Variants in RNF215 observed in about 807,000 individuals in gnomAD.
RNF215 encodes the protein ring finger protein 215.
In RNF215, 41 loss-of-function variants were observed where a neutral mutation model predicts 44.8. That is an observed-to-expected ratio of 0.92 (90% CI 0.71 to 1.19). The LOEUF (loss-of-function observed/expected upper bound fraction) is 1.19. Among genes scored for constraint, RNF215 ranks in the 50% most tolerant of loss-of-function variants. The pLI is 0.00. For synonymous variants in RNF215, 218 were observed against 230.1 expected, an observed-to-expected ratio of 0.95 and a Z score of 0.48; for missense variants, 452 against 496.2, an observed-to-expected ratio of 0.91 and a Z score of 0.85.
In RNF215 at chr22:30,386,688, C is replaced by A; in HGVS notation, c.357G>T (p.Glu119Asp). Residue 119 changes from glutamate (E) to aspartate (D), a missense_variant, in exon 2 of 9, where the codon GAG (glutamate) becomes GAT (aspartate). Glu to Asp is a conservative substitution (Grantham distance 45). Transcript: ENST00000382363. The part of the protein sequence containing the change: ...GWIAVAYVGK[E>D]QAAQFHQENK... ...TCTCCTGGTGGAACTGGGCCGCCTG[C>A]TCCTTGCCCACGTATGCCACTGCAA... is the stretch of plus-strand genomic sequence containing the variant. 6.2e-7 allele frequency: 1 copy of A among 1,612,660 alleles called. No homozygotes were observed. Among genetic ancestry groups the A allele is most frequent in the South Asian group, 1.1e-5 (1 of 91,092 alleles).
Position 30,379,574 on chromosome 22 carries a change from C to A in RNF215, c.*26G>T, listed in dbSNP as rs1371451465. On this transcript the variant is annotated 3_prime_UTR_variant, in exon 9 of 9. Transcript: ENST00000382363. ...GGGGTGCAGGCAGGAAGGGTCCATC[C>A]CCATGTGCAGAGTCCAGCTGGGCAG... 1 of 1,549,302 alleles carries A rather than the reference C, an allele frequency of 6.5e-7. No homozygotes were observed. The highest frequency in any genetic ancestry group is 8.7e-7 in the Non-Finnish European group (1 of 1,146,968).
Position 30,387,360 on chromosome 22 carries a change from G to T in RNF215, c.-47C>A. ...CCAACAGTGGGGCCAGGGGTCCCGG[G>T]CGCGGGGGGGATCGGAGGGAGCGAG... On this transcript the variant is annotated 5_prime_UTR_variant, in exon 1 of 9. Transcript: ENST00000382363. 1 of 1,037,318 alleles carries T rather than the reference G, an allele frequency of 9.6e-7. No homozygotes were observed. The allele number at this position is 1,037,318 out of a possible 1,614,324, so 64.3% of individuals were successfully genotyped here.
In RNF215 at chr22:30,380,189, C is replaced by T. The variant is rs913344524; in HGVS notation, c.881G>A (p.Arg294His). The change falls in exon 7 of 9, where the codon CGC becomes CAC. Residue 294 changes from arginine to histidine, a missense_variant. By Grantham distance (29) the Arg-to-His change is conservative (BLOSUM62 0). Coordinates refer to ENST00000382363, the MANE Select transcript of RNF215 (RefSeq NM_001017981.2). The surrounding 1 kb of genome is among the most constrained non-coding windows in gnomAD (Gnocchi z 5.3). The stretch of plus-strand genomic sequence containing the variant: ...GGATGCCAGTCTCCGCACCACGCGG[C>T]GCTTAAACAGGTCCACCTGTGGGGA... ...ELGGQVDLFK[R>H]RVVRRLASLK... is the part of the protein sequence containing the mutation. 1.6e-5 allele frequency: 26 copies of T among 1,613,822 alleles called. No homozygotes were observed. The African/African-American group carries it at 1.9e-4, about 12-fold the overall frequency.
In RNF215 at chr22:30,380,777, A is replaced by G. The variant is rs1380109190; in HGVS notation, c.745-376T>C. On this transcript the variant is annotated intron_variant, in intron 5 of 8. Coordinates refer to ENST00000382363, the MANE Select transcript of RNF215 (RefSeq NM_001017981.2). The surrounding 1 kb of genome is among the most constrained non-coding windows in gnomAD (Gnocchi z 5.3). ...GGGACCTGCTCACTCTCCCACCCCC[A>G]TCCTCCTGCACTTCCTCCTGGTCGG... 4.6e-5 allele frequency among the ~76,000 whole-genome samples: 7 copies of G among 151,602 alleles called. No individual in the cohort carries two copies. The highest frequency in any genetic ancestry group is 3.9e-4 in the Admixed American group (6 of 15,222).
chr22:30,381,924 G>C (rs2145983493), intron 5 of RNF215, among the ~76,000 whole-genome samples: 1 of 152,284 alleles, frequency 6.6e-6, no homozygotes, highest in South Asian at 2.1e-4. Context: ...TGCCCTAGAG[G>C]GTGCCGGGGC....
chr22:30,387,030 A>T lies in RNF215; in HGVS notation c.284T>A (p.Leu95Gln). The T allele has an allele frequency of 1.3e-6, 2 of 1,543,830 alleles. No individual in the cohort carries two copies. Among genetic ancestry groups the T allele is most frequent in the South Asian group, 1.2e-5 (1 of 84,456 alleles). ...GCCAGATGGCTCAGCAGCGCTCACC[A>T]GCAGCAGACGACCGCCCAGCAGGGG... ...PAPLLGGRLL[L>Q]MDIVDAEQEA... Residue 95 changes from leucine (L) to glutamine (Q), a missense_variant and splice_region_variant, in exon 1 of 9, where the codon CTG becomes CAG. Transcript: ENST00000382363.
intron 2 of RNF215, 58 bp downstream of exon 2, chr22:30,386,558 T>C: frequency 6.4e-7 from 1 of 1,567,900 alleles, no homozygotes; most frequent in Non-Finnish European, 8.6e-7. Flanking sequence ...GGCCTGGCTC[T>C]AGCAGATGCC....
intron 7 of RNF215, 74 bp downstream of exon 7, chr22:30,379,988 G>A: frequency 1.3e-6 from 2 of 1,594,064 alleles, no homozygotes; most frequent in African/African-American, 2.7e-5. Flanking sequence ...GGTGGTGGTG[G>A]TTCCAAGGTC....
rs550425244 is a variant in RNF215, at chr22:30,380,474, G to A, written c.745-73C>T. ...CTCCCTTAGGAACATCTACCCCCAG[G>A]AACGCCAGGGAGCAGGCAGGTGAGG... is the stretch of plus-strand genomic sequence containing the variant. On this transcript the variant is annotated intron_variant, in intron 5 of 8. Transcript: ENST00000382363. This position sits in a 1 kb window ranked among gnomAD's most constrained non-coding sequence, Gnocchi z 5.3. 23 of 1,514,762 alleles carry A rather than the reference G, an allele frequency of 1.5e-5. No individual in the cohort carries two copies. The East Asian group carries it at 4.8e-4, about 32-fold the overall frequency. 93.8% of individuals were successfully genotyped at this position (1,514,762 alleles called of 1,614,324 possible). A position where few individuals can be genotyped will look rare whatever the true frequency, so the allele number is the denominator to read the frequency against.
chr22:30,382,998 G>A (rs960850264), intron 5 of RNF215, among the ~76,000 whole-genome samples: 1 of 152,116 alleles, frequency 6.6e-6, no homozygotes, highest in African/African-American at 2.4e-5. Flanking sequence ...GCTACTTGGG[G>A]GACTGAGGTG....
At position 30,378,842 on chromosome 22, in the gene RNF215, T is replaced by A. The variant is rs1366584665; in HGVS notation, c.*758A>T. ...CATCTTATGTTAAAATATAGCCACGTTTATTTTACTATTAAACCTTCCCTA... is the reference window on the plus strand; with the variant it reads ...CATCTTATGTTAAAATATAGCCACGATTATTTTACTATTAAACCTTCCCTA... On this transcript the variant is annotated 3_prime_UTR_variant, in exon 9 of 9. Coordinates refer to ENST00000382363, the MANE Select transcript of RNF215 (RefSeq NM_001017981.2). 2 of 148,792 alleles carry A rather than the reference T, an allele frequency of 1.3e-5. No individual in the cohort carries two copies. The highest frequency in any genetic ancestry group is 5.0e-5 in the African/African-American group (2 of 40,236). 9.2% of individuals were successfully genotyped at this position (148,792 alleles called of 1,614,324 possible).
chr22:30,380,461 C>T lies in RNF215; in HGVS notation c.745-60G>A, dbSNP rs532078005. 206 of 1,532,168 alleles carry T rather than the reference C, an allele frequency of 1.3e-4. No individual in the cohort carries two copies. In the African/African-American group the frequency reaches 2.2e-3, roughly 16 times the overall value. The allele number at this position is 1,532,168 out of a possible 1,614,324, so 94.9% of individuals were successfully genotyped here. A position where few individuals can be genotyped will look rare whatever the true frequency, so the allele number is the denominator to read the frequency against. ...CACCCCCACACGCCTCCCTTAGGAA[C>T]ATCTACCCCCAGGAACGCCAGGGAG... On this transcript the variant is annotated intron_variant, in intron 5 of 8. Coordinates refer to ENST00000382363, the MANE Select transcript of RNF215 (RefSeq NM_001017981.2). The surrounding 1 kb of genome is among the most constrained non-coding windows in gnomAD (Gnocchi z 5.3).
intron 2 of RNF215, 125 bp from the exon 3 acceptor site, chr22:30,386,266 T>A: frequency 1.1e-6 from 1 of 900,672 alleles, no homozygotes; most frequent in Non-Finnish European, 1.7e-6. Flanking sequence ...CAGACTGCCA[T>A]AAGCTCCTTG....
In RNF215 at chr22:30,380,140, C is replaced by G. The variant is rs201785934; in HGVS notation, c.930G>C (p.Leu310=). Residue 310 remains leucine, a synonymous_variant, in exon 7 of 9, where the codon CTG becomes CTC. Coordinates refer to ENST00000382363, the MANE Select transcript of RNF215 (RefSeq NM_001017981.2). The surrounding 1 kb of genome is among the most constrained non-coding windows in gnomAD (Gnocchi z 5.3). Reference sequence around the variant, plus strand: ...CTGGGAGGCCCTGCGCTGCCCTGCTCAGCCGGCAGCGCCGTGTCTTGAGGG... The same window carrying G: ...CTGGGAGGCCCTGCGCTGCCCTGCTGAGCCGGCAGCGCCGTGTCTTGAGGG... ...LASLKTRRCR[L]SRAAQGLPDP... The G allele has an allele frequency of 6.2e-7, 1 of 1,613,862 alleles. No individual in the cohort carries two copies. Among genetic ancestry groups the G allele is most frequent in the Non-Finnish European group, 8.5e-7 (1 of 1,179,974 alleles).
At chr22:30,386,976 G>T in intron 1 of RNF215, 53 bp downstream of exon 1, 1 of 1,529,090 alleles carries the variant, frequency 6.5e-7, no homozygotes, top group Non-Finnish European at 8.7e-7. Context: ...GGTCTCTAGG[G>T]AGGGTTGAGA....
At chr22:30,379,867 G>A (rs1933499441) in intron 7 of RNF215, 54 bp from the exon 8 acceptor site, 1 of 1,543,494 alleles carries the variant, frequency 6.5e-7, no homozygotes, top group South Asian at 1.1e-5. Context: ...CTCCACGTGG[G>A]GGTGCCTGGT....
chr22:30,387,203 C>T lies in RNF215; in HGVS notation c.111G>A (p.Ala37=). The change falls in exon 1 of 9, where the codon GCG becomes GCA. Residue 37 remains alanine (A), a synonymous_variant. Transcript: ENST00000382363. The part of the protein sequence containing the change: ...LPLLPLWLGL[A]GPGAAADGSE... Reference sequence around the variant, plus strand: ...TGCCGTCCGCCGCGGCCCCGGGCCCCGCCAGGCCCAGCCACAGCGGCAGCA... The same window carrying T: ...TGCCGTCCGCCGCGGCCCCGGGCCCTGCCAGGCCCAGCCACAGCGGCAGCA... 9.8e-7 allele frequency: 1 copy of T among 1,023,532 alleles called. No individual in the cohort carries two copies. Among genetic ancestry groups the T allele is most frequent in the Non-Finnish European group, 1.2e-6 (1 of 851,758 alleles). 63.4% of individuals were successfully genotyped at this position (1,023,532 alleles called of 1,614,324 possible). A position where few individuals can be genotyped will look rare whatever the true frequency, so the allele number is the denominator to read the frequency against.
intron 5 of RNF215, among the ~76,000 whole-genome samples, chr22:30,381,498 C>T (rs1421611498): frequency 2.0e-5 from 3 of 152,200 alleles, no homozygotes; most frequent in South Asian, 2.1e-4. Context: ...CAGGAGATGG[C>T]GCAGCGGAGT....
In RNF215 at chr22:30,387,102, G is replaced by A. The variant is rs1004890394; in HGVS notation, c.212C>T (p.Ala71Val). The change falls in exon 1 of 9, where the codon GCT becomes GTT. Residue 71 changes from alanine to valine, a missense_variant. Ala to Val is a moderately conservative substitution (Grantham distance 64). Coordinates refer to ENST00000382363, the MANE Select transcript of RNF215 (RefSeq NM_001017981.2). ...RVDVRLPRQD[A>V]LVLEGVRIGS... ...GATCCTGACGCCCTCCAGGACCAGAGCGTCCTGGCGCGGCAGTCTCACGTC... is the reference window on the plus strand; with the variant it reads ...GATCCTGACGCCCTCCAGGACCAGAACGTCCTGGCGCGGCAGTCTCACGTC... 55 of 1,521,654 alleles carry A rather than the reference G, an allele frequency of 3.6e-5. 2 individuals are homozygous for A. The highest frequency in any genetic ancestry group is 1.2e-5 in the Non-Finnish European group (14 of 1,140,072). 94.3% of individuals were successfully genotyped at this position (1,521,654 alleles called of 1,614,324 possible). A position where few individuals can be genotyped will look rare whatever the true frequency, so the allele number is the denominator to read the frequency against.
Sources: allele counts gnomAD v4.1 joint callset (sites outside exome capture counted in the v4.1 genomes callset), GRCh38; gene constraint gnomAD v4.1.1; non-coding constraint Gnocchi (gnomAD v3.1); transcripts MANE v1.5; gene names NCBI Gene and HGNC (gene_info 2026-07-23, HGNC 2026-07-21).